ARHGAP20: variants seen among roughly 807,000 people sequenced by gnomAD.
ARHGAP20 encodes Rho GTPase activating protein 20.
In ARHGAP20, 34 loss-of-function variants were observed where a neutral mutation model predicts 73.7. The ratio of observed to expected loss-of-function variants is 0.46; its 90% CI spans 0.35 to 0.61. The LOEUF (loss-of-function observed/expected upper bound fraction) is 0.61. Among genes scored for constraint, ARHGAP20 ranks in the 20% least tolerant of loss-of-function variants. The pLI is 0.00. For missense variants in ARHGAP20, 1,314 were observed against 1,420.9 expected (o/e 0.92, Z 1.21); for synonymous variants, 523 against 518.2 (o/e 1.01, Z -0.13).
At chr11:110,659,997 A>G (rs1328580144) in intron 2 of ARHGAP20, among the ~76,000 whole-genome samples, 1 of 151,292 alleles carries the variant, frequency 6.6e-6, no homozygotes, top group African/African-American at 2.4e-5. Flanking sequence ...TGGCACGTGT[A>G]TACATATGTA....
intron 4 of ARHGAP20, among the ~76,000 whole-genome samples, chr11:110,616,396 G>A (rs899454817): frequency 1.3e-5 from 2 of 152,066 alleles, no homozygotes; most frequent in Non-Finnish European, 2.9e-5. Flanking sequence ...TTTAAAGACA[G>A]GGGTCTTGCT....
intron 1 of ARHGAP20, among the ~76,000 whole-genome samples, chr11:110,701,022 C>T (rs943538230): frequency 6.6e-6 from 1 of 151,144 alleles, no homozygotes; most frequent in Non-Finnish European, 1.5e-5. Context: ...CAAGTCTTTG[C>T]TATTGTGAAT....
chr11:110,684,209 G>A (rs1363888716), intron 2 of ARHGAP20, among the ~76,000 whole-genome samples: 5 of 152,294 alleles, frequency 3.3e-5, no homozygotes, highest in African/African-American at 1.2e-4. Context: ...GAAGGCTAGA[G>A]AGTATGATGT....
At chr11:110,706,951 C>T (rs1950561604) in intron 1 of ARHGAP20, among the ~76,000 whole-genome samples, 1 of 152,046 alleles carries the variant, frequency 6.6e-6, no homozygotes, top group South Asian at 2.1e-4. Context: ...AAGAGTAAAA[C>T]TAAAGCTTAC....
At chr11:110,615,454 TAAG>T in intron 5 of ARHGAP20, 96 bp downstream of exon 5, 1 of 1,118,144 alleles carries the variant, frequency 8.9e-7, no homozygotes, top group Non-Finnish European at 1.3e-6. Flanking sequence ...CAATTTCTAC[TAAG>T]GAGAAGGGGA....
chr11:110,679,196 G>T (rs191569318), intron 2 of ARHGAP20, among the ~76,000 whole-genome samples: 2 of 152,248 alleles, frequency 1.3e-5, no homozygotes, highest in East Asian at 3.9e-4. Context: ...CTCATGACAT[G>T]GCTTCCTCCA....
chr11:110,660,753 C>A (rs757956536), intron 2 of ARHGAP20, among the ~76,000 whole-genome samples: 5 of 152,140 alleles, frequency 3.3e-5, no homozygotes, highest in African/African-American at 1.2e-4. Context: ...TGTTGCTATT[C>A]TTTTGAATGT....
intron 1 of ARHGAP20, among the ~76,000 whole-genome samples, chr11:110,696,869 A>G (rs981633690): frequency 1.3e-5 from 2 of 151,624 alleles, no homozygotes; most frequent in Non-Finnish European, 3.0e-5. Context: ...AATGGCCTCT[A>G]GGCTCCACCC....
intron 2 of ARHGAP20, among the ~76,000 whole-genome samples, chr11:110,666,970 C>T (rs1949736542): frequency 6.6e-6 from 1 of 152,210 alleles, no homozygotes; most frequent in South Asian, 2.1e-4. Flanking sequence ...AGGCTGAGAT[C>T]AGTGAGTAAC....
At chr11:110,651,965 T>C (rs1389184352) in intron 2 of ARHGAP20, among the ~76,000 whole-genome samples, 1 of 152,096 alleles carries the variant, frequency 6.6e-6, no homozygotes, top group African/African-American at 2.4e-5. Flanking sequence ...ATATACCTGA[T>C]GAACATCGAT....
chr11:110,605,837 C>G lies in ARHGAP20; in HGVS notation c.964+724G>C, dbSNP rs563144640. On this transcript the variant is annotated intron_variant, in intron 9 of 14. Transcript: ENST00000683387. ...CTTTGCAAAACGCAAATCCATGGGT[C>G]TCCCAGTTGGTTCACATTGACAAAG... Among the ~76,000 whole-genome samples the G allele has an allele frequency of 5.3e-5, 8 of 152,338 alleles. No homozygotes were observed. In the East Asian group the frequency reaches 9.6e-4, roughly 18 times the overall value.
At chr11:110,643,196 A>G (rs1949112151) in intron 2 of ARHGAP20, among the ~76,000 whole-genome samples, 1 of 151,970 alleles carries the variant, frequency 6.6e-6, no homozygotes, top group Non-Finnish European at 1.5e-5. Context: ...CAGTCTCTCA[A>G]TCTTGTTTAT....
intron 2 of ARHGAP20, among the ~76,000 whole-genome samples, chr11:110,639,944 C>A (rs1458930229): frequency 6.6e-6 from 1 of 151,884 alleles, no homozygotes; most frequent in African/African-American, 2.4e-5. Flanking sequence ...TGAGTACATA[C>A]CCAGGAGTGG....
At chr11:110,585,049 AT>A (rs1413030247) in intron 12 of ARHGAP20, among the ~76,000 whole-genome samples, 2 of 127,668 alleles carry the variant, frequency 1.6e-5, no homozygotes, top group African/African-American at 5.8e-5. Context: ...ATATATATGA[AT>A]ATATGAATAT....
chr11:110,648,221 G>GTAAA (rs1949257915), intron 2 of ARHGAP20, among the ~76,000 whole-genome samples: 1 of 76,668 alleles, frequency 1.3e-5, no homozygotes, highest in South Asian at 3.8e-4. Context: ...ATATATATAT[G>GTAAA]TATATATATA....
At chr11:110,604,176 CT>C (rs1459495998) in intron 9 of ARHGAP20, among the ~76,000 whole-genome samples, 1 of 152,118 alleles carries the variant, frequency 6.6e-6, no homozygotes, top group Non-Finnish European at 1.5e-5. Context: ...TTGCTGACCC[CT>C]GATCTAAATC....
chr11:110,701,684 C>T (rs1360135426), intron 1 of ARHGAP20, among the ~76,000 whole-genome samples: 5 of 151,956 alleles, frequency 3.3e-5, no homozygotes, highest in African/African-American at 4.8e-5. Flanking sequence ...TGGTAATGCC[C>T]AGGTTTTCTT....
chr11:110,674,011 T>C (rs2135075161), intron 2 of ARHGAP20, among the ~76,000 whole-genome samples: 1 of 152,026 alleles, frequency 6.6e-6, no homozygotes, highest in South Asian at 2.1e-4. Flanking sequence ...TGATCTCAGC[T>C]CACTGCAACT....
intron 2 of ARHGAP20, among the ~76,000 whole-genome samples, chr11:110,688,999 G>GCTTT (rs1555103221): frequency 7.3e-6 from 1 of 137,604 alleles, no homozygotes; most frequent in Admixed American, 7.3e-5. Flanking sequence ...CTTTCATATA[G>GCTTT]TTTTTTTTTT....
Sources: allele counts gnomAD v4.1 joint callset (sites outside exome capture counted in the v4.1 genomes callset), GRCh38; gene constraint gnomAD v4.1.1; transcripts MANE v1.5; gene names NCBI Gene and HGNC (gene_info 2026-07-23, HGNC 2026-07-21).